ACRV1: variants seen among roughly 807,000 people sequenced by gnomAD.
ACRV1 encodes acrosomal protein SP-10.
In ACRV1, 17 loss-of-function variants were observed where a neutral mutation model predicts 29.2. The observed-to-expected ratio is 0.58, with a 90% CI of 0.40 to 0.87. The LOEUF (loss-of-function observed/expected upper bound fraction) is 0.87. ACRV1 is among the 40% of genes least tolerant of loss of function. The pLI is 0.00. For missense variants in ACRV1, 294 were observed against 316.0 expected (o/e 0.93, Z 0.53); for synonymous variants, 98 against 111.6 (o/e 0.88, Z 0.77).
In ACRV1 at chr11:125,672,488, A is replaced by G. The variant is rs990196143; in HGVS notation, c.*105T>C. 18 of 1,340,158 alleles carry G rather than the reference A, an allele frequency of 1.3e-5. No homozygotes were observed. The African/African-American group carries it at 2.3e-4, about 17-fold the overall frequency. The allele number at this position is 1,340,158 out of a possible 1,614,324, so 83.0% of individuals were successfully genotyped here. On this transcript the variant is annotated 3_prime_UTR_variant, in exon 4 of 4. Transcript: ENST00000533904. ...CATCCTAATGCTCAGGCAGAGGCAGATGTGGTCAGTTGTTGACTGGGGAAG... is the reference window on the plus strand; with the variant it reads ...CATCCTAATGCTCAGGCAGAGGCAGGTGTGGTCAGTTGTTGACTGGGGAAG...
At chr11:125,678,914 T>C (rs494296) in intron 1 of ACRV1, among the ~76,000 whole-genome samples, 1 of 143,798 alleles carries the variant, frequency 7.0e-6, no homozygotes, top group African/African-American at 2.6e-5. Flanking sequence ...TCCATGTGGG[T>C]TGGGGATTCA....
intron 1 of ACRV1, 29 bp downstream of exon 1, chr11:125,680,699 AT>A: frequency 6.2e-7 from 1 of 1,603,376 alleles, no homozygotes; most frequent in Non-Finnish European, 8.5e-7. Flanking sequence ...CCCCTTTTGT[AT>A]TTACCTGAAG....
intron 1 of ACRV1, among the ~76,000 whole-genome samples, chr11:125,680,072 G>A (rs1942725152): frequency 6.6e-6 from 1 of 152,134 alleles, no homozygotes; most frequent in African/African-American, 2.4e-5. Flanking sequence ...CTACATTTTT[G>A]AGTCAACTTT....
In ACRV1 at chr11:125,676,447, A is replaced by T. The variant is rs1392713756; in HGVS notation, c.585T>A (p.Tyr195Ter). The change falls in exon 3 of 4, where the codon TAT becomes TAA. Residue 195 changes from tyrosine to a stop codon, truncating the protein, a stop_gained. Coordinates refer to ENST00000533904, the MANE Select transcript of ACRV1 (RefSeq NM_001612.6). LOFTEE classifies it high-confidence loss of function. ...GTILNCYTCA[Y>*]MNDQGKCLRG... ...GAAGACATTTTCCTTGATCATTCAT[A>T]TAAGCACATGTGTAGCAATTTAATA... 1 of 1,614,068 alleles carries T rather than the reference A, an allele frequency of 6.2e-7. No homozygotes were observed. Among genetic ancestry groups the T allele is most frequent in the African/African-American group, 1.3e-5 (1 of 74,936 alleles).
intron 1 of ACRV1, among the ~76,000 whole-genome samples, chr11:125,679,310 C>T (rs191182992): frequency 2.0e-5 from 3 of 151,052 alleles, no homozygotes; most frequent in East Asian, 2.0e-4. Flanking sequence ...CTCCGCCTCC[C>T]GGGTTCAAGT....
At chr11:125,673,887 A>C (rs1591434955) in intron 3 of ACRV1, among the ~76,000 whole-genome samples, 2 of 152,260 alleles carry the variant, frequency 1.3e-5, no homozygotes, top group Middle Eastern at 6.8e-3. Flanking sequence ...GGCCGGGCAC[A>C]GTGGCTCATG....
intron 3 of ACRV1, among the ~76,000 whole-genome samples, 170 bp from the exon 4 acceptor site, chr11:125,672,887 G>A (rs957327550): frequency 3.9e-5 from 6 of 152,132 alleles, no homozygotes; most frequent in Admixed American, 3.9e-4. Context: ...CCCATCAGTT[G>A]CCCACTCCTT....
At chr11:125,679,212 C>CTT (rs1337479067) in intron 1 of ACRV1, among the ~76,000 whole-genome samples, 1 of 74,418 alleles carries the variant, frequency 1.3e-5, no homozygotes, top group African/African-American at 4.6e-5. Flanking sequence ...TAATCCGTCT[C>CTT]TTTCTTTTTT....
chr11:125,672,309 A>T lies in ACRV1; in HGVS notation c.*284T>A. ...ACCCTGCAACTAGATTAATGGGGGA[A>T]AAAAAGGTCTGTCTTGAGCCTGTGT... is the stretch of plus-strand genomic sequence containing the variant. On this transcript the variant is annotated 3_prime_UTR_variant, in exon 4 of 4. Coordinates refer to ENST00000533904, the MANE Select transcript of ACRV1 (RefSeq NM_001612.6). 3.6e-6 allele frequency: 1 copy of T among 280,692 alleles called. No individual in the cohort carries two copies. The highest frequency in any genetic ancestry group is 8.2e-5 in the South Asian group (1 of 12,268). The allele number at this position is 280,692 out of a possible 1,614,324, so 17.4% of individuals were successfully genotyped here.
chr11:125,676,278 C>T, intron 3 of ACRV1, 81 bp downstream of exon 3: 1 of 1,511,540 alleles, frequency 6.6e-7, no homozygotes, highest in Non-Finnish European at 9.1e-7. Flanking sequence ...TTTCCTGGGC[C>T]CCTGTCATTC....
Position 125,678,255 on chromosome 11 carries a change from T to A in ACRV1, c.95A>T (p.His32Leu), listed in dbSNP as rs1565397008. The change falls in exon 2 of 4, where the codon CAT becomes CTT. Residue 32 changes from histidine to leucine, a missense_variant. Physicochemically the swap from His to Leu is moderately conservative, Grantham distance 99 (BLOSUM62 -3). Coordinates refer to ENST00000533904, the MANE Select transcript of ACRV1 (RefSeq NM_001612.6). ...QPNELSGSID[H>L]QTSVQQLPGE... is the part of the protein sequence containing the mutation. ...TGGAAGTTGCTGAACTGAAGTTTGA[T>A]GATCTATGGAGCCAGAAAGCTCATT... is the stretch of plus-strand genomic sequence containing the variant. 1 of 1,614,184 alleles carries A rather than the reference T, an allele frequency of 6.2e-7. No individual in the cohort carries two copies. The highest frequency in any genetic ancestry group is 8.5e-7 in the Non-Finnish European group (1 of 1,180,016).
chr11:125,678,244 C>A lies in ACRV1; in HGVS notation c.106G>T (p.Val36Phe). ...LSGSIDHQTS[V>F]QQLPGEFFSL... The stretch of plus-strand genomic sequence containing the variant: ...AAGAACTCACCTGGAAGTTGCTGAA[C>A]TGAAGTTTGATGATCTATGGAGCCA... Residue 36 changes from valine to phenylalanine, a missense_variant, in exon 2 of 4, where the codon GTT becomes TTT. Coordinates refer to ENST00000533904, the MANE Select transcript of ACRV1 (RefSeq NM_001612.6). The A allele has an allele frequency of 1.2e-6, 2 of 1,614,122 alleles. No homozygotes were observed. Among genetic ancestry groups the A allele is most frequent in the East Asian group, 4.5e-5 (2 of 44,880 alleles).
Position 125,679,928 on chromosome 11 carries a change from TAACAC to T in ACRV1, c.52+796_52+800del, listed in dbSNP as rs769821129. Among the ~76,000 whole-genome samples, 39 of 152,340 alleles carry T rather than the reference TAACAC, an allele frequency of 2.6e-4. 1 individual carries two copies. The highest frequency in any genetic ancestry group is 9.4e-4 in the African/African-American group (39 of 41,584). On this transcript the variant is annotated intron_variant, in intron 1 of 3. Transcript: ENST00000533904. ...TCTACTTGACTGGTTTTTCAATAATTAACACAAGTTTTGATAAAGAGATGTTTCTG... is the reference window on the plus strand; with the variant it reads ...TCTACTTGACTGGTTTTTCAATAATTAAGTTTTGATAAAGAGATGTTTCTG...
chr11:125,677,738 A>C (rs918126777), intron 2 of ACRV1, 59 bp downstream of exon 2: 1 of 1,596,162 alleles, frequency 6.3e-7, no homozygotes, highest in African/African-American at 1.3e-5. Flanking sequence ...GGTTTTCTTG[A>C]TGTGTTCCCC....
At chr11:125,675,463 C>CTGCA (rs1942457910) in intron 3 of ACRV1, among the ~76,000 whole-genome samples, 1 of 152,110 alleles carries the variant, frequency 6.6e-6, no homozygotes, top group South Asian at 2.1e-4. Flanking sequence ...GGATGAATGT[C>CTGCA]TGCATGTAGA....
intron 1 of ACRV1, among the ~76,000 whole-genome samples, chr11:125,678,978 T>TTATTTATATATATATATATATATATA (rs1555078665): frequency 9.0e-5 from 8 of 88,442 alleles, no homozygotes; most frequent in Non-Finnish European, 1.6e-4. Flanking sequence ...TCTAGGCATA[T>TTATTTATATATATATATATATATATA]TATATATATA....
chr11:125,672,418 A>T lies in ACRV1; in HGVS notation c.*175T>A. ...GAGCAGGGAAGACAGGACAGAGAAG[A>T]ATGGATAAAAGCATGAATAGAAGAA... On this transcript the variant is annotated 3_prime_UTR_variant, in exon 4 of 4. Coordinates refer to ENST00000533904, the MANE Select transcript of ACRV1 (RefSeq NM_001612.6). 3 of 711,092 alleles carry T rather than the reference A, an allele frequency of 4.2e-6. No homozygotes were observed. Among genetic ancestry groups the T allele is most frequent in the Non-Finnish European group, 6.8e-6 (3 of 438,018 alleles). 44.0% of individuals were successfully genotyped at this position (711,092 alleles called of 1,614,324 possible). A position where few individuals can be genotyped will look rare whatever the true frequency, so the allele number is the denominator to read the frequency against.
At position 125,678,034 on chromosome 11, in the gene ACRV1, C is replaced by T. The variant is rs112368260; in HGVS notation, c.316G>A (p.Gly106Ser). 1.7e-5 allele frequency: 27 copies of T among 1,614,026 alleles called. No homozygotes were observed. The African/African-American group carries it at 2.3e-4, about 14-fold the overall frequency. Reference protein sequence around the residue: ...GEPAATEHAEGEHTVGEQPSG... With the variant: ...GEPAATEHAESEHTVGEQPSG... ...GGCTGCTCACCTACAGTATGCTCAC[C>T]TTCAGCATGTTCAGTCGCAGCGGGC... is the stretch of plus-strand genomic sequence containing the variant. Residue 106 changes from glycine to serine, a missense_variant, in exon 2 of 4, where the codon GGT becomes AGT. Coordinates refer to ENST00000533904, the MANE Select transcript of ACRV1 (RefSeq NM_001612.6).
rs372223910 is a variant in ACRV1 at position 125,672,597 on chromosome 11, A to G, written c.794T>C (p.Ile265Thr). ...CCRNQSFCNK[I>T] ...AACAAGCAAGGGCCCAGGCTTCTAGATCTTATTGCAGAAAGATTGATTTCG... is the reference window on the plus strand; with the variant it reads ...AACAAGCAAGGGCCCAGGCTTCTAGGTCTTATTGCAGAAAGATTGATTTCG... Residue 265 changes from isoleucine (I) to threonine (T), a missense_variant, in exon 4 of 4, where the codon ATC becomes ACC. Transcript: ENST00000533904. The G allele has an allele frequency of 2.4e-5, 39 of 1,613,900 alleles. No individual in the cohort carries two copies. Among genetic ancestry groups the G allele is most frequent in the Non-Finnish European group, 3.1e-5 (36 of 1,180,010 alleles).
Sources: gnomAD v4.1 joint callset for allele counts (sites outside exome capture counted in the v4.1 genomes callset) on GRCh38, gnomAD v4.1.1 for gene constraint, MANE v1.5 for transcripts, NCBI Gene and HGNC (gene_info 2026-07-23, HGNC 2026-07-21) for gene names.